Variants in TINAG observed in about 807,000 individuals in gnomAD.
TINAG encodes tubulointerstitial nephritis antigen.
TINAG carries 83 observed loss-of-function variants against 72.7 expected under a neutral mutation model. That is an observed-to-expected ratio of 1.14 (90% CI 0.96 to 1.37). The LOEUF (loss-of-function observed/expected upper bound fraction) is 1.37. Ranked by LOEUF, TINAG falls within the 40% of genes most tolerant of loss-of-function variation. The probability of loss-of-function intolerance (pLI) is 0.00; values close to 1 mark genes in which losing one functional copy is unlikely to be tolerated. For missense variants in TINAG, 685 were observed against 576.6 expected (o/e 1.19, Z -1.93); for synonymous variants, 234 against 189.9 (o/e 1.23, Z -1.91).
Position 54,321,309 on chromosome 6 carries a change from A to G in TINAG, c.432A>G (p.Gly144=), listed in dbSNP as rs1784484421. The part of the protein sequence containing the change: ...KENCNSCTCS[G]QQWKCSQHVC... ...CATATCTTTGCAGCACATGCTCAGG[A>G]CAGCAATGGAAATGTTCCCAGCATG... The change falls in exon 3 of 11, where the codon GGA becomes GGG. Residue 144 remains glycine, a synonymous_variant. Transcript: ENST00000259782. The G allele has an allele frequency of 6.2e-7, 1 of 1,613,644 alleles. No homozygotes were observed.
chr6:54,311,693 C>T (rs12201064), intron 1 of TINAG, among the ~76,000 whole-genome samples: 28,358 of 152,002 alleles, frequency 0.19, 4,039 homozygotes, highest in African/African-American at 0.4. Context: ...TTTTCCTATC[C>T]ACAGCCTTGT....
intron 4 of TINAG, among the ~76,000 whole-genome samples, chr6:54,331,393 G>C (rs551878264): frequency 6.6e-6 from 1 of 152,060 alleles, no homozygotes; most frequent in Non-Finnish European, 1.5e-5. Flanking sequence ...AAAGACCTTC[G>C]ATAAAACTCA....
At chr6:54,377,810 G>GA (rs1245916486) in intron 9 of TINAG, among the ~76,000 whole-genome samples, 3 of 152,046 alleles carry the variant, frequency 2.0e-5, no homozygotes, top group Non-Finnish European at 4.4e-5. Flanking sequence ...CATATATTAG[G>GA]AAAAAATGCC....
intron 9 of TINAG, among the ~76,000 whole-genome samples, chr6:54,355,680 A>G (rs1463237898): frequency 6.6e-6 from 1 of 151,382 alleles, no homozygotes; most frequent in Non-Finnish European, 1.5e-5. Flanking sequence ...ATGTTAATGT[A>G]GGATGCTGAA....
At chr6:54,320,947 G>A (rs78548647) in intron 2 of TINAG, among the ~76,000 whole-genome samples, 1,669 of 152,228 alleles carry the variant, frequency 0.011, 13 homozygotes, top group Non-Finnish European at 0.018. Context: ...GGCAAATTGT[G>A]TTTTTTGAGC....
chr6:54,319,804 A>T (rs965182532), intron 1 of TINAG, among the ~76,000 whole-genome samples: 1 of 152,156 alleles, frequency 6.6e-6, no homozygotes. Context: ...AAACAGTCTC[A>T]CTAGACAAAG....
chr6:54,341,008 T>A (rs1220923892), intron 4 of TINAG, among the ~76,000 whole-genome samples: 1 of 152,142 alleles, frequency 6.6e-6, no homozygotes, highest in Non-Finnish European at 1.5e-5. Context: ...TGGAGGTCAA[T>A]TTCTAAATAA....
chr6:54,328,283 A>G (rs1784655765), intron 4 of TINAG, among the ~76,000 whole-genome samples: 1 of 152,106 alleles, frequency 6.6e-6, no homozygotes, highest in Admixed American at 6.6e-5. Context: ...GCAGGCAGCA[A>G]TCTTTGCTGT....
At position 54,322,341 on chromosome 6, in the gene TINAG, AAAC is replaced by A. The variant is rs201964381; in HGVS notation, c.509+958_509+960del. On this transcript the variant is annotated intron_variant, in intron 3 of 10. Transcript: ENST00000259782. ...AAAACAAAACAAACAAACAAAAAAA[AAAC>A]AAGAAACATAAAAAGATACAGGCGC... 3.7e-3 allele frequency among the ~76,000 whole-genome samples: 566 copies of A among 151,762 alleles called. 6 individuals carry two copies. The highest frequency in any genetic ancestry group is 0.013 in the African/African-American group (536 of 41,162).
chr6:54,312,135 C>A (rs1270487244), intron 1 of TINAG, among the ~76,000 whole-genome samples: 1 of 151,972 alleles, frequency 6.6e-6, no homozygotes, highest in African/African-American at 2.4e-5. Flanking sequence ...TGGCTCACTG[C>A]AGCCTCGACC....
chr6:54,386,633 T>A (rs956197441), intron 10 of TINAG, among the ~76,000 whole-genome samples: 6 of 152,062 alleles, frequency 3.9e-5, no homozygotes, highest in African/African-American at 1.4e-4. Flanking sequence ...TTCTGACTTC[T>A]AAATCCTCTT....
intron 5 of TINAG, among the ~76,000 whole-genome samples, chr6:54,344,534 C>A (rs1465178113): frequency 1.3e-5 from 2 of 152,082 alleles, no homozygotes; most frequent in Non-Finnish European, 2.9e-5. Flanking sequence ...ATATAATAAA[C>A]CGTTTGCCAT....
intron 9 of TINAG, among the ~76,000 whole-genome samples, chr6:54,379,750 T>C (rs961819806): frequency 6.6e-6 from 1 of 152,194 alleles, no homozygotes; most frequent in South Asian, 2.1e-4. Context: ...AATATGGTTG[T>C]ACCTCCTTTT....
In TINAG at chr6:54,308,858, G is replaced by A. The variant is rs766001132; in HGVS notation, c.308G>A (p.Arg103His). 3.1e-6 allele frequency: 5 copies of A among 1,613,332 alleles called. No individual in the cohort carries two copies. Among genetic ancestry groups the A allele is most frequent in the Non-Finnish European group, 4.2e-6 (5 of 1,179,684 alleles). Reference sequence around the variant, plus strand: ...TGTCCTGACTACAAGTCCTTTTGCCGTGAAGAGAAAGAATGGCCTCCTCAC... The same window carrying A: ...TGTCCTGACTACAAGTCCTTTTGCCATGAAGAGAAAGAATGGCCTCCTCAC... ...DCCPDYKSFC[R>H]EEKEWPPHTQ... The change falls in exon 1 of 11, where the codon CGT becomes CAT. Residue 103 changes from arginine (R) to histidine (H), a missense_variant. Transcript: ENST00000259782.
chr6:54,333,944 T>C (rs1784802302), intron 4 of TINAG, among the ~76,000 whole-genome samples: 1 of 152,216 alleles, frequency 6.6e-6, no homozygotes, highest in Non-Finnish European at 1.5e-5. Context: ...TTTTGCCTGA[T>C]GACCTGGCAA....
At chr6:54,339,471 C>G (rs1005043977) in intron 4 of TINAG, among the ~76,000 whole-genome samples, 4 of 152,104 alleles carry the variant, frequency 2.6e-5, no homozygotes, top group Non-Finnish European at 4.4e-5. Flanking sequence ...CCAGCTGTCT[C>G]TTAAGGAAAG....
chr6:54,350,673 T>A (rs750422284), intron 7 of TINAG, among the ~76,000 whole-genome samples: 8 of 147,836 alleles, frequency 5.4e-5, no homozygotes, highest in Admixed American at 4.2e-4. Flanking sequence ...CAAGCAAATG[T>A]CAAGGCCCAG....
intron 3 of TINAG, among the ~76,000 whole-genome samples, chr6:54,325,788 A>C (rs761772281): frequency 6.6e-6 from 1 of 152,182 alleles, no homozygotes; most frequent in Non-Finnish European, 1.5e-5. Context: ...TATCTCTTAT[A>C]TTCAGAGGTT....
chr6:54,345,486 G>A (rs1014037968), intron 5 of TINAG, among the ~76,000 whole-genome samples: 1 of 152,080 alleles, frequency 6.6e-6, no homozygotes, highest in Non-Finnish European at 1.5e-5. Context: ...TAATCCTGGA[G>A]ACCAGGCTTC....
Sources: gnomAD v4.1 joint callset for allele counts (sites outside exome capture counted in the v4.1 genomes callset) on GRCh38, gnomAD v4.1.1 for gene constraint, MANE v1.5 for transcripts, NCBI Gene and HGNC (gene_info 2026-07-23, HGNC 2026-07-21) for gene names.